Variants in OPRM1 observed in about 807,000 individuals in gnomAD.
OPRM1 encodes opioid receptor mu 1, also known as mu-type opioid receptor.
In OPRM1, 27 loss-of-function variants were observed where a neutral mutation model predicts 31.8. That is an observed-to-expected ratio of 0.85 (90% CI 0.63 to 1.17). The LOEUF (loss-of-function observed/expected upper bound fraction) is 1.17, where lower values mean the gene tolerates loss of function less well. OPRM1 is among the 50% of genes most tolerant of loss of function. OPRM1 has a pLI of 0.00. For synonymous variants in OPRM1, 196 were observed against 189.9 expected (o/e 1.03, Z -0.26); for missense variants, 536 against 511.1 (o/e 1.05, Z -0.47).
chr6:154,035,386 G>A (rs1203224318), upstream of OPRM1, among the ~76,000 whole-genome samples: 1 of 152,086 alleles, frequency 6.6e-6, no homozygotes, highest in African/African-American at 2.4e-5. Context: ...ACAATCCAGT[G>A]ATCAAGGATA....
intron 3 of OPRM1, among the ~76,000 whole-genome samples, chr6:154,143,294 T>G (rs1029549211): frequency 6.6e-6 from 1 of 152,168 alleles, no homozygotes; most frequent in Non-Finnish European, 1.5e-5. Flanking sequence ...CTAGTCCTTC[T>G]CTCATCACTC....
At chr6:154,072,041 G>A (rs565571038) in intron 1 of OPRM1, among the ~76,000 whole-genome samples, 1 of 152,110 alleles carries the variant, frequency 6.6e-6, no homozygotes, top group African/African-American at 2.4e-5. Flanking sequence ...CTTTTTTTTG[G>A]TCTTTCTCGC....
intron 3 of OPRM1, among the ~76,000 whole-genome samples, chr6:154,100,300 A>AT (rs1562473045): frequency 6.8e-6 from 1 of 146,512 alleles, no homozygotes; most frequent in Non-Finnish European, 1.5e-5. Flanking sequence ...AATATATATC[A>AT]AAAAGTCACA....
chr6:154,169,361 A>T (rs956550556), intron 3 of OPRM1, among the ~76,000 whole-genome samples: 1 of 152,150 alleles, frequency 6.6e-6, no homozygotes, highest in South Asian at 2.1e-4. Flanking sequence ...ACTCTGTCAC[A>T]CACACACACA....
At position 154,039,416 on chromosome 6, in the gene OPRM1, A is replaced by G; in HGVS notation, c.-129A>G. The G allele has an allele frequency of 6.4e-7, 1 of 1,550,868 alleles. No individual in the cohort carries two copies. The highest frequency in any genetic ancestry group is 8.7e-7 in the Non-Finnish European group (1 of 1,146,508). ...GACGCTCCTCTCTGTCTCAGCCAGGACTGGTTTCTGTAAGAAACAGCAGGA... is the reference window on the plus strand; with the variant it reads ...GACGCTCCTCTCTGTCTCAGCCAGGGCTGGTTTCTGTAAGAAACAGCAGGA... On this transcript the variant is annotated 5_prime_UTR_variant, in exon 1 of 4. Transcript: ENST00000330432.
intron 3 of OPRM1, among the ~76,000 whole-genome samples, chr6:154,223,867 G>A (rs964329356): frequency 2.0e-5 from 3 of 152,172 alleles, no homozygotes; most frequent in Admixed American, 6.5e-5. Context: ...TCCCATCATT[G>A]ATTTCTGGGA....
chr6:154,147,355 T>A (rs1432737000), intron 3 of OPRM1, among the ~76,000 whole-genome samples: 1 of 152,232 alleles, frequency 6.6e-6, no homozygotes, highest in Non-Finnish European at 1.5e-5. Context: ...GTTAGGGTGA[T>A]GAACTACAGC....
At chr6:154,025,193 G>A (rs1778624341) in intron 1 of OPRM1, among the ~76,000 whole-genome samples, 1 of 151,894 alleles carries the variant, frequency 6.6e-6, no homozygotes, top group Non-Finnish European at 1.5e-5. Flanking sequence ...TTATATATCG[G>A]GGTGCCCAAT....
chr6:154,095,075 T>G (rs946630129), intron 3 of OPRM1, among the ~76,000 whole-genome samples: 1 of 152,216 alleles, frequency 6.6e-6, no homozygotes, highest in African/African-American at 2.4e-5. Flanking sequence ...GTGGATCACC[T>G]GGGGTCAGGA....
intron 1 of OPRM1, among the ~76,000 whole-genome samples, chr6:154,077,700 C>T (rs1289813043): frequency 6.6e-6 from 1 of 151,824 alleles, no homozygotes; most frequent in African/African-American, 2.4e-5. Context: ...CACTGCACTC[C>T]AGCCTGGGCG....
intron 3 of OPRM1, among the ~76,000 whole-genome samples, chr6:154,117,928 C>T (rs1797050253): frequency 6.6e-6 from 1 of 151,200 alleles, no homozygotes; most frequent in South Asian, 2.1e-4. Flanking sequence ...GATGGCAAAG[C>T]ACATGGATAA....
chr6:154,181,825 GACACTT>G (rs938065704), intron 3 of OPRM1, among the ~76,000 whole-genome samples: 1 of 152,170 alleles, frequency 6.6e-6, no homozygotes, highest in Non-Finnish European at 1.5e-5. Flanking sequence ...ACTTGAACTG[GACACTT>G]GGGGATCATG....
intron 1 of OPRM1, among the ~76,000 whole-genome samples, chr6:154,033,060 T>C (rs1470833785): frequency 1.3e-5 from 2 of 152,102 alleles, no homozygotes; most frequent in Non-Finnish European, 2.9e-5. Flanking sequence ...AAAAGGTTAA[T>C]AGAGAGAATG....
chr6:154,241,754 C>G (rs1780614393), intron 3 of OPRM1, among the ~76,000 whole-genome samples: 1 of 152,132 alleles, frequency 6.6e-6, no homozygotes, highest in Non-Finnish European at 1.5e-5. Flanking sequence ...TCTATTGCTG[C>G]TAGGTTCATA....
chr6:154,210,688 A>G (rs1274775442), intron 3 of OPRM1, among the ~76,000 whole-genome samples: 1 of 152,232 alleles, frequency 6.6e-6, no homozygotes, highest in African/African-American at 2.4e-5. Flanking sequence ...GAGAAGGATT[A>G]CACTGGGGAG....
chr6:154,037,656 G>A (rs185038205), upstream of OPRM1, among the ~76,000 whole-genome samples: 59 of 152,174 alleles, frequency 3.9e-4, no homozygotes, highest in Non-Finnish European at 3.7e-4. Context: ...TAGTGGTAAG[G>A]AGTTATCACT....
At chr6:154,246,568 T>A in intron 3 of OPRM1, 1 of 1,596,828 alleles carries the variant, frequency 6.3e-7, no homozygotes, top group South Asian at 1.1e-5. Flanking sequence ...CGGCTGGGAA[T>A]AGGAGGAAGA....
rs538898393 is a variant in OPRM1 at position 154,150,971 on chromosome 6, G to A, written c.1164+59499G>A. 3.9e-5 allele frequency among the ~76,000 whole-genome samples: 6 copies of A among 152,272 alleles called. No individual in the cohort carries two copies. The East Asian group carries it at 5.8e-4, about 15-fold the overall frequency. ...CTTCGATGCGTCAATGGCACTCAGC[G>A]ACTACTTTCCCCCACGCCTGTCAAA... On this transcript the variant is annotated intron_variant, in intron 3 of 3. Transcript: ENST00000337049.
At chr6:154,051,088 G>T (rs553069442) in intron 1 of OPRM1, among the ~76,000 whole-genome samples, 4 of 152,192 alleles carry the variant, frequency 2.6e-5, no homozygotes, top group African/African-American at 7.2e-5. Context: ...TCATTTATCT[G>T]AAGTCTTATG....
Sources: gnomAD v4.1 joint callset for allele counts (sites outside exome capture counted in the v4.1 genomes callset) on GRCh38, gnomAD v4.1.1 for gene constraint, MANE v1.5 for transcripts, NCBI Gene and HGNC (gene_info 2026-07-23, HGNC 2026-07-21) for gene names.